LRP1B: variants seen among roughly 807,000 people sequenced by gnomAD.
LRP1B encodes LDL receptor related protein 1B.
LRP1B carries 217 observed loss-of-function variants against 556.6 expected under a neutral mutation model. The ratio of observed to expected loss-of-function variants is 0.39; its 90% CI spans 0.35 to 0.44. LRP1B has a LOEUF of 0.44. LRP1B is among the 20% of genes least tolerant of loss of function. The pLI is 1.00. For missense variants in LRP1B, 5,053 were observed against 5,620.8 expected (o/e 0.90, Z 3.23); for synonymous variants, 2,047 against 1,865.8 (o/e 1.10, Z -2.50).
At chr2:140,748,365 T>TATATTCA (rs1559094023) in intron 35 of LRP1B, among the ~76,000 whole-genome samples, 1 of 104,638 alleles carries the variant, frequency 9.6e-6, no homozygotes. Flanking sequence ...TAATATATAT[T>TATATTCA]TATATATGTA....
chr2:140,874,400 T>A (rs1693238624), intron 25 of LRP1B, among the ~76,000 whole-genome samples: 4 of 152,124 alleles, frequency 2.6e-5, no homozygotes, highest in Non-Finnish European at 1.5e-5. Flanking sequence ...CTCATATAAG[T>A]TTTTTTCATT....
At chr2:140,435,636 T>G (rs1023495224) in intron 66 of LRP1B, among the ~76,000 whole-genome samples, 1 of 150,874 alleles carries the variant, frequency 6.6e-6, no homozygotes, top group Admixed American at 6.7e-5. Context: ...CAACAAAATT[T>G]AAATCTCACA....
rs184636875 is a variant in LRP1B at position 140,365,273 on chromosome 2, C to T, written c.11009-490G>A. Among the ~76,000 whole-genome samples the T allele has an allele frequency of 4.0e-3, 607 of 151,554 alleles. 4 individuals are homozygous for T. Among genetic ancestry groups the T allele is most frequent in the African/African-American group, 0.013 (557 of 41,442 alleles). ...AAATTTTTTTGCAAACACAAAGAAA[C>T]GATTTTTTAATAGCAGTAAGAATTT... On this transcript the variant is annotated intron_variant, in intron 71 of 90. Transcript: ENST00000389484.
In LRP1B at chr2:141,476,442, A is replaced by G. The variant is rs181758166; in HGVS notation, c.343+3954T>C. Among the ~76,000 whole-genome samples, 143 of 152,284 alleles carry G rather than the reference A, an allele frequency of 9.4e-4. 1 individual carries two copies. The highest frequency in any genetic ancestry group is 1.5e-3 in the Non-Finnish European group (105 of 68,026). On this transcript the variant is annotated intron_variant, in intron 3 of 90. Transcript: ENST00000389484. ...ATTGCTCATGCAATTAGACAAGGTG[A>G]TATTACCACCAATATGAAGTACTGT...
In LRP1B at chr2:140,907,931, G is replaced by A. The variant is rs1455479223; in HGVS notation, c.3466C>T (p.Leu1156Phe). 1.2e-6 allele frequency: 2 copies of A among 1,613,616 alleles called. No homozygotes were observed. The highest frequency in any genetic ancestry group is 1.7e-6 in the Non-Finnish European group (2 of 1,179,702). Reference sequence around the variant, plus strand: ...GGACAATCCTTTTTCCCATTGCAGAGTTTCTCTGGCTGCAGGCAGACTGAG... The same window carrying A: ...GGACAATCCTTTTTCCCATTGCAGAATTTCTCTGGCTGCAGGCAGACTGAG... Reference protein sequence around the residue: ...DTSVCLQPEKLCNGKKDCPDG... With the variant: ...DTSVCLQPEKFCNGKKDCPDG... The change falls in exon 22 of 91, where the codon CTC becomes TTC. Residue 1156 changes from leucine (L) to phenylalanine (F), a missense_variant. Leu to Phe is a conservative substitution (Grantham distance 22). Transcript: ENST00000389484.
At chr2:140,358,204 A>G in intron 73 of LRP1B, 88 bp from the exon 74 acceptor site, 2 of 1,212,654 alleles carry the variant, frequency 1.6e-6, no homozygotes, top group East Asian at 2.4e-5. Flanking sequence ...TTTACTAACT[A>G]CTATGAAAAA....
At chr2:140,935,040 G>A (rs1443925056) in intron 20 of LRP1B, among the ~76,000 whole-genome samples, 1 of 152,064 alleles carries the variant, frequency 6.6e-6, no homozygotes, top group African/African-American at 2.4e-5. Context: ...GCAATTTAAG[G>A]GGAAGAATCT....
At chr2:141,777,387 G>T (rs1385578004) in intron 2 of LRP1B, among the ~76,000 whole-genome samples, 1 of 152,232 alleles carries the variant, frequency 6.6e-6, no homozygotes, top group African/African-American at 2.4e-5. Context: ...AGGTGAATCT[G>T]CAAATGACTT....
intron 11 of LRP1B, among the ~76,000 whole-genome samples, chr2:141,032,925 C>G (rs992555859): frequency 1.9e-4 from 29 of 150,582 alleles, no homozygotes; most frequent in African/African-American, 6.3e-4. Context: ...CATATTTCCC[C>G]ATACGCACAC....
intron 2 of LRP1B, among the ~76,000 whole-genome samples, chr2:141,628,956 G>A (rs1361437915): frequency 6.6e-6 from 1 of 152,152 alleles, no homozygotes; most frequent in East Asian, 1.9e-4. Flanking sequence ...GGCTGAACAA[G>A]TGTTGTATGA....
At chr2:141,412,318 G>C (rs1559055863) in intron 3 of LRP1B, among the ~76,000 whole-genome samples, 1 of 152,198 alleles carries the variant, frequency 6.6e-6, no homozygotes, top group Non-Finnish European at 1.5e-5. Flanking sequence ...TCCACAGTAG[G>C]AAAGAGAATT....
chr2:141,876,642 T>C (rs983526635), intron 1 of LRP1B, among the ~76,000 whole-genome samples: 1 of 151,966 alleles, frequency 6.6e-6, no homozygotes, highest in African/African-American at 2.4e-5. Flanking sequence ...TTTTTTATAG[T>C]AGTAGTTGAC....
At chr2:141,089,095 T>A (rs917464569) in intron 7 of LRP1B, among the ~76,000 whole-genome samples, 2 of 152,220 alleles carry the variant, frequency 1.3e-5, no homozygotes, top group Non-Finnish European at 2.9e-5. Flanking sequence ...TCTTTCAACA[T>A]CTGGGTATCC....
rs547607349 is a variant in LRP1B, at chr2:140,392,367, CCCTCTGTTCACCTGAGA to C, written c.10415-6375_10415-6359del. ...ACAGGTGCAGGGGACAGAAGATCAT[CCCTCTGTTCACCTGAGA>C]CAAATGCATATCTGATTGCTTTCTC... On this transcript the variant is annotated intron_variant, in intron 66 of 90. Transcript: ENST00000389484. Among the ~76,000 whole-genome samples, 484 of 152,282 alleles carry C rather than the reference CCCTCTGTTCACCTGAGA, an allele frequency of 3.2e-3. 1 individual carries two copies. The highest frequency in any genetic ancestry group is 5.2e-3 in the Admixed American group (80 of 15,282).
intron 41 of LRP1B, among the ~76,000 whole-genome samples, chr2:140,671,021 G>A (rs913126826): frequency 3.9e-5 from 6 of 152,188 alleles, no homozygotes; most frequent in Non-Finnish European, 8.8e-5. Flanking sequence ...AAGTATGTTA[G>A]AATTGCAAAC....
At chr2:141,791,778 C>T (rs1574363771) in intron 2 of LRP1B, among the ~76,000 whole-genome samples, 1 of 152,000 alleles carries the variant, frequency 6.6e-6, no homozygotes, top group African/African-American at 2.4e-5. Flanking sequence ...AGCCAGTAAG[C>T]AGTCCTGCCC....
intron 2 of LRP1B, among the ~76,000 whole-genome samples, chr2:141,741,263 C>CTTTTTT (rs11326947): frequency 1.7e-3 from 97 of 57,992 alleles, no homozygotes; most frequent in Non-Finnish European, 1.8e-3. Flanking sequence ...TACTGATTTC[C>CTTTTTT]TTTTTTTTTT....
chr2:140,659,098 GTTTTTTT>G lies in LRP1B; in HGVS notation c.6799+41145_6799+41151del, dbSNP rs59651364. ...TGGGTTGTCCCTAAACTGTAAATCT[GTTTTTTT>G]TTTTTTTTTTTTTTTTTTTTTTAGT... On this transcript the variant is annotated intron_variant, in intron 41 of 90. Transcript: ENST00000389484. Among the ~76,000 whole-genome samples the G allele has an allele frequency of 1.3e-4, 8 of 61,144 alleles. No individual in the cohort carries two copies. In the East Asian group the frequency reaches 2.3e-3, roughly 18 times the overall value. The allele number at this position is 61,144 out of a possible 152,430, so 40.1% of individuals were successfully genotyped here.
intron 2 of LRP1B, among the ~76,000 whole-genome samples, chr2:141,587,284 C>T (rs1687176022): frequency 6.6e-6 from 1 of 152,076 alleles, no homozygotes; most frequent in African/African-American, 2.4e-5. Context: ...AATAGTCAAC[C>T]ACATAGGACA....
Sources: allele counts gnomAD v4.1 joint callset (sites outside exome capture counted in the v4.1 genomes callset), GRCh38; gene constraint gnomAD v4.1.1; transcripts MANE v1.5; gene names NCBI Gene and HGNC (gene_info 2026-07-23, HGNC 2026-07-21).